EYS: variants seen among roughly 807,000 people sequenced by gnomAD.
EYS encodes protein eyes shut homolog.
EYS carries 250 observed loss-of-function variants against 282.1 expected under a neutral mutation model. That is an observed-to-expected ratio of 0.89 (90% CI 0.80 to 0.98). EYS has a LOEUF of 0.98. EYS is among the 50% of genes least tolerant of loss of function. The pLI is 0.00. For missense variants in EYS, 4,016 were observed against 3,709.0 expected, an observed-to-expected ratio of 1.08 and a Z score of -2.15; for synonymous variants, 1,355 against 1,282.9, an observed-to-expected ratio of 1.06 and a Z score of -1.20.
At chr6:63,784,283 G>C (rs1367188321) in intron 39 of EYS, among the ~76,000 whole-genome samples, 1 of 151,908 alleles carries the variant, frequency 6.6e-6, no homozygotes, top group Non-Finnish European at 1.5e-5. Context: ...CTCTCTCTCT[G>C]TGCACACCTG....
intron 13 of EYS, among the ~76,000 whole-genome samples, chr6:65,051,712 A>T (rs1240080729): frequency 6.6e-6 from 1 of 151,512 alleles, no homozygotes; most frequent in Admixed American, 6.6e-5. Context: ...AACCTGGAGG[A>T]CATCATGTTA....
intron 28 of EYS, chr6:64,400,255 A>G (rs191751271): frequency 1.4e-4 from 22 of 152,100 alleles, no homozygotes; most frequent in Non-Finnish European, 2.9e-4. Context: ...TCACCTTTGG[A>G]TAAGTATGGG....
In EYS at chr6:64,475,410, G is replaced by A. The variant is rs1213941721; in HGVS notation, c.5645-36058C>T. Among the ~76,000 whole-genome samples, 7 of 121,708 alleles carry A rather than the reference G, an allele frequency of 5.8e-5. 1 individual carries two copies. Among genetic ancestry groups the A allele is most frequent in the Admixed American group, 3.3e-4 (4 of 12,000 alleles). 79.8% of individuals were successfully genotyped at this position (121,708 alleles called of 152,430 possible). On this transcript the variant is annotated intron_variant, in intron 26 of 42. Coordinates refer to ENST00000503581, the MANE Select transcript of EYS (RefSeq NM_001142800.2). The stretch of plus-strand genomic sequence containing the variant: ...ACTAAAAATACAAAAAATTAGCCGG[G>A]CGTAGTGGCGGGCGCCTGTAGTCCC...
intron 35 of EYS, among the ~76,000 whole-genome samples, chr6:63,961,956 A>G (rs1304250272): frequency 1.3e-5 from 2 of 152,198 alleles, no homozygotes; most frequent in Admixed American, 1.3e-4. Context: ...ATAATGCTGC[A>G]TATCTACAAC....
chr6:64,316,097 T>A (rs1054937213), intron 29 of EYS, among the ~76,000 whole-genome samples: 1 of 151,958 alleles, frequency 6.6e-6, no homozygotes, highest in Non-Finnish European at 1.5e-5. Flanking sequence ...AATGACAAAC[T>A]TACAGCCAAT....
intron 10 of EYS, 103 bp downstream of exon 10, chr6:65,343,935 G>T (rs1770293641): frequency 3.1e-6 from 3 of 965,492 alleles, no homozygotes; most frequent in Non-Finnish European, 5.0e-6. Context: ...TATATATTTT[G>T]AATATTTAAG....
chr6:65,257,855 G>T (rs1236345092), intron 12 of EYS, among the ~76,000 whole-genome samples: 1 of 151,950 alleles, frequency 6.6e-6, no homozygotes, highest in Non-Finnish European at 1.5e-5. Context: ...GGAAAGGGTT[G>T]CAGGGAAGGA....
chr6:64,449,054 C>T (rs1479011013), intron 26 of EYS, among the ~76,000 whole-genome samples: 2 of 152,038 alleles, frequency 1.3e-5, no homozygotes, highest in Non-Finnish European at 2.9e-5. Flanking sequence ...GATCAAACTA[C>T]TCTGAGCTAA....
At chr6:64,344,086 G>A (rs989239973) in intron 29 of EYS, among the ~76,000 whole-genome samples, 5 of 151,974 alleles carry the variant, frequency 3.3e-5, no homozygotes, top group Non-Finnish European at 7.4e-5. Flanking sequence ...CCAAAAAAAA[G>A]TCCAGGACAA....
At chr6:65,415,557 G>T (rs548397112) in intron 5 of EYS, among the ~76,000 whole-genome samples, 1 of 152,170 alleles carries the variant, frequency 6.6e-6, no homozygotes, top group Admixed American at 6.6e-5. Flanking sequence ...CTATAGGTAA[G>T]GTAGAGTGAC....
chr6:64,375,171 A>C (rs909998507), intron 29 of EYS, among the ~76,000 whole-genome samples: 12 of 152,194 alleles, frequency 7.9e-5, no homozygotes, highest in Non-Finnish European at 1.2e-4. Flanking sequence ...GTTAATTAGT[A>C]TATGAATAAG....
intron 19 of EYS, among the ~76,000 whole-genome samples, chr6:64,883,647 T>A (rs973050995): frequency 1.3e-4 from 20 of 151,480 alleles, no homozygotes; most frequent in Non-Finnish European, 1.0e-4. Context: ...TTCCTATATT[T>A]AAATCACTAA....
intron 22 of EYS, among the ~76,000 whole-genome samples, chr6:64,748,234 A>G (rs966965061): frequency 2.0e-5 from 3 of 152,252 alleles, no homozygotes; most frequent in African/African-American, 7.2e-5. Flanking sequence ...TAATAAACAC[A>G]CATCAACACA....
chr6:64,656,933 A>G (rs6919799), intron 22 of EYS, among the ~76,000 whole-genome samples: 97,318 of 152,040 alleles, frequency 0.64, 31,380 homozygotes, highest in African/African-American at 0.71. Context: ...AGAGTGAGCT[A>G]AGGTATTTGC....
At chr6:63,756,186 G>A (rs1019742103) in intron 41 of EYS, among the ~76,000 whole-genome samples, 4 of 152,188 alleles carry the variant, frequency 2.6e-5, no homozygotes, top group African/African-American at 9.6e-5. Flanking sequence ...TGGTGAGAGA[G>A]AGCATCCTTG....
chr6:65,408,927 A>G (rs187715917), intron 5 of EYS, among the ~76,000 whole-genome samples: 3 of 152,204 alleles, frequency 2.0e-5, no homozygotes, highest in East Asian at 1.9e-4. Context: ...ATAATTTTTC[A>G]TATGGTTCCA....
chr6:64,022,302 A>G (rs1487336976), intron 33 of EYS, among the ~76,000 whole-genome samples: 1 of 152,210 alleles, frequency 6.6e-6, no homozygotes, highest in Non-Finnish European at 1.5e-5. Context: ...AGAGGTGGAC[A>G]CACAATATAA....
chr6:64,066,064 C>T (rs562506184), intron 33 of EYS, among the ~76,000 whole-genome samples: 1 of 152,058 alleles, frequency 6.6e-6, no homozygotes, highest in Non-Finnish European at 1.5e-5. Flanking sequence ...GAGTTTGAGA[C>T]CAGCCTGGCC....
At chr6:65,170,028 C>A (rs1765067286) in intron 12 of EYS, among the ~76,000 whole-genome samples, 1 of 151,420 alleles carries the variant, frequency 6.6e-6, no homozygotes, top group African/African-American at 2.4e-5. Flanking sequence ...CTTACTTTCA[C>A]CTGCAAGAAC....
Sources: allele counts gnomAD v4.1 joint callset (sites outside exome capture counted in the v4.1 genomes callset), GRCh38; gene constraint gnomAD v4.1.1; transcripts MANE v1.5; gene names NCBI Gene and HGNC (gene_info 2026-07-23, HGNC 2026-07-21).